NBAS: variants seen among roughly 807,000 people sequenced by gnomAD.
NBAS encodes the protein NBAS subunit of NRZ tethering complex, also known as NAG/BC035112 fusion.
NBAS carries 219 observed loss-of-function variants against 302.5 expected under a neutral mutation model. That is an observed-to-expected ratio of 0.72 (90% CI 0.65 to 0.81). NBAS has a LOEUF of 0.81. Ranked by LOEUF, NBAS falls within the 30% of genes least tolerant of loss-of-function variation. NBAS has a pLI of 0.00. For missense variants in NBAS, 2,932 were observed against 2,841.6 expected, an observed-to-expected ratio of 1.03 and a Z score of -0.72; for synonymous variants, 1,118 against 1,021.6, an observed-to-expected ratio of 1.09 and a Z score of -1.80.
intron 10 of NBAS, among the ~76,000 whole-genome samples, chr2:15,505,550 C>A (rs554261281): frequency 6.6e-6 from 1 of 152,112 alleles, no homozygotes; most frequent in African/African-American, 2.4e-5. Flanking sequence ...AGAGGATCCA[C>A]GCCCCCTCCT....
intron 25 of NBAS, among the ~76,000 whole-genome samples, chr2:15,414,718 G>T (rs1191038207): frequency 6.6e-6 from 1 of 152,214 alleles, no homozygotes; most frequent in African/African-American, 2.4e-5. Context: ...GCCGAGGCAG[G>T]CGGATCACCT....
intron 28 of NBAS, among the ~76,000 whole-genome samples, chr2:15,387,225 G>A (rs558562887): frequency 2.8e-4 from 43 of 151,880 alleles, no homozygotes; most frequent in Non-Finnish European, 5.3e-4. Context: ...CTGCTACCAT[G>A]CCTGGCTAAT....
the NBAS span, among the ~76,000 whole-genome samples, chr2:15,056,298 T>C: frequency 6.6e-6 from 1 of 152,220 alleles, no homozygotes. Context: ...TGTGTGTATA[T>C]TGTGGTTATG....
chr2:15,153,678 C>A, the NBAS span, among the ~76,000 whole-genome samples: 1 of 152,218 alleles, frequency 6.6e-6, no homozygotes, highest in African/African-American at 2.4e-5. Flanking sequence ...AGGCATCTTA[C>A]TCTTGGTCAT....
the NBAS span, among the ~76,000 whole-genome samples, chr2:14,794,998 C>T: frequency 6.6e-6 from 1 of 152,190 alleles, no homozygotes; most frequent in Admixed American, 6.5e-5. Flanking sequence ...TGTCCATTCG[C>T]CTGTTAATGA....
At chr2:15,485,088 T>C (rs1259099150) in intron 12 of NBAS, among the ~76,000 whole-genome samples, 3 of 152,024 alleles carry the variant, frequency 2.0e-5, no homozygotes, top group Non-Finnish European at 4.4e-5. Context: ...TCATGAGTAC[T>C]CTAGATATCT....
rs527357012 is a variant in NBAS at position 15,398,799 on chromosome 2, G to A, written c.3072-2324C>T. Among the ~76,000 whole-genome samples, 8 of 152,260 alleles carry A rather than the reference G, an allele frequency of 5.3e-5. No individual in the cohort carries two copies. In the East Asian group the frequency reaches 1.2e-3, roughly 22 times the overall value. ...CTATATTTTAATACAAGGCTAATTT[G>A]TAATTATAATTTACTTAGAAAATTA... On this transcript the variant is annotated intron_variant, in intron 26 of 51. Transcript: ENST00000281513.
At chr2:15,286,470 C>T (rs150065082) in intron 42 of NBAS, among the ~76,000 whole-genome samples, 2 of 152,202 alleles carry the variant, frequency 1.3e-5, no homozygotes, top group South Asian at 2.1e-4. Context: ...TACAGCCTGG[C>T]TCCTATGCCT....
At chr2:15,417,154 C>T (rs371398998) in intron 24 of NBAS, among the ~76,000 whole-genome samples, 4 of 152,128 alleles carry the variant, frequency 2.6e-5, no homozygotes, top group Admixed American at 2.6e-4. Flanking sequence ...AACAACCACC[C>T]GGTCCTCTTA....
chr2:15,135,424 G>A, the NBAS span, among the ~76,000 whole-genome samples: 1 of 152,172 alleles, frequency 6.6e-6, no homozygotes, highest in African/African-American at 2.4e-5. Flanking sequence ...CTCATTGGTG[G>A]CACTCAGTCA....
At chr2:15,341,318 G>T in intron 35 of NBAS, among the ~76,000 whole-genome samples, 1 of 151,980 alleles carries the variant, frequency 6.6e-6, no homozygotes. Flanking sequence ...CCCAGGAGGC[G>T]GAGGTTGCAG....
the NBAS span, among the ~76,000 whole-genome samples, chr2:14,848,264 G>A: frequency 6.7e-6 from 1 of 150,226 alleles, no homozygotes; most frequent in Non-Finnish European, 1.5e-5. Flanking sequence ...TGCCTCACCT[G>A]GGAAGCGCAA....
At chr2:15,517,574 GAA>G in intron 9 of NBAS, among the ~76,000 whole-genome samples, 1 of 152,232 alleles carries the variant, frequency 6.6e-6, no homozygotes, top group East Asian at 1.9e-4. Context: ...TTAGGTCAAA[GAA>G]AGACACATTT....
chr2:15,211,310 T>G (rs1666399793), intron 48 of NBAS, among the ~76,000 whole-genome samples: 1 of 152,298 alleles, frequency 6.6e-6, no homozygotes, highest in South Asian at 2.1e-4. Context: ...AAATGCAATG[T>G]GCAACCTATA....
At chr2:14,984,155 G>A in the NBAS span, among the ~76,000 whole-genome samples, 9 of 152,058 alleles carry the variant, frequency 5.9e-5, no homozygotes, top group Admixed American at 2.0e-4. Context: ...GCCATTCAGC[G>A]CCCTCTGCCC....
intron 21 of NBAS, among the ~76,000 whole-genome samples, chr2:15,434,197 A>G (rs1432561142): frequency 6.6e-6 from 1 of 152,192 alleles, no homozygotes. Flanking sequence ...TGCTCTATAC[A>G]AGATGATTAA....
intron 44 of NBAS, among the ~76,000 whole-genome samples, chr2:15,251,561 T>A (rs906368266): frequency 1.3e-5 from 2 of 152,208 alleles, no homozygotes; most frequent in Admixed American, 6.5e-5. Context: ...GGGCTGCTAA[T>A]TGCCCATTTT....
At chr2:14,984,175 GATGTA>G in the NBAS span, among the ~76,000 whole-genome samples, 1 of 152,132 alleles carries the variant, frequency 6.6e-6, no homozygotes, top group East Asian at 1.9e-4. Context: ...CAAGCCCCAC[GATGTA>G]CCTGGTTTTC....
the NBAS span, among the ~76,000 whole-genome samples, chr2:15,016,089 A>T: frequency 7.2e-5 from 11 of 152,164 alleles, no homozygotes; most frequent in Admixed American, 6.5e-4. Flanking sequence ...TGATAAAGAC[A>T]TAGCCAAGAC....
Sources: gnomAD v4.1 joint callset for allele counts (sites outside exome capture counted in the v4.1 genomes callset) on GRCh38, gnomAD v4.1.1 for gene constraint, MANE v1.5 for transcripts, NCBI Gene and HGNC (gene_info 2026-07-23, HGNC 2026-07-21) for gene names.